Variants in ARPP21 observed in about 807,000 individuals in gnomAD.
ARPP21 encodes cAMP-regulated phosphoprotein 21.
ARPP21 carries 69 observed loss-of-function variants against 113.2 expected under a neutral mutation model. The ratio of observed to expected loss-of-function variants is 0.61; its 90% CI spans 0.50 to 0.74. The LOEUF is 0.74. Among genes scored for constraint, ARPP21 ranks in the 30% least tolerant of loss-of-function variants. The probability of loss-of-function intolerance (pLI) is 0.00; values close to 1 mark genes in which losing one functional copy is unlikely to be tolerated. For synonymous variants in ARPP21, 368 were observed against 375.5 expected (o/e 0.98, Z 0.23); for missense variants, 1,070 against 1,037.4 (o/e 1.03, Z -0.43).
intron 9 of ARPP21, among the ~76,000 whole-genome samples, chr3:35,691,990 T>C (rs1419249252): frequency 6.6e-6 from 1 of 151,498 alleles, no homozygotes; most frequent in Non-Finnish European, 1.5e-5. Flanking sequence ...GATGAGGCGC[T>C]TTCTCAACTC....
At chr3:35,643,995 T>C (rs1480283591) in intron 1 of ARPP21, among the ~76,000 whole-genome samples, 3 of 152,078 alleles carry the variant, frequency 2.0e-5, no homozygotes, top group Non-Finnish European at 2.9e-5. Context: ...ATACTTCCTT[T>C]CTTTAGACAA....
chr3:35,658,913 G>A (rs550703422), intron 1 of ARPP21, among the ~76,000 whole-genome samples: 21 of 152,152 alleles, frequency 1.4e-4, no homozygotes, highest in Non-Finnish European at 2.8e-4. Flanking sequence ...TCATGAATTA[G>A]GGTCTTGTTT....
At chr3:35,749,223 T>C (rs1351497125) in intron 19 of ARPP21, among the ~76,000 whole-genome samples, 1 of 152,206 alleles carries the variant, frequency 6.6e-6, no homozygotes, top group East Asian at 1.9e-4. Context: ...TGGGGTTCCA[T>C]ATCACTTTGT....
At chr3:35,679,263 T>G (rs893175864) in intron 1 of ARPP21, among the ~76,000 whole-genome samples, 8 of 151,934 alleles carry the variant, frequency 5.3e-5, no homozygotes, top group Non-Finnish European at 1.5e-5. Flanking sequence ...AAAAGTTTTC[T>G]TCTTCTTTTT....
chr3:35,769,126 A>T (rs1273076721), intron 19 of ARPP21, among the ~76,000 whole-genome samples: 1 of 152,310 alleles, frequency 6.6e-6, no homozygotes, highest in East Asian at 1.9e-4. Context: ...GCATATGATT[A>T]TATACCTATA....
intron 14 of ARPP21, among the ~76,000 whole-genome samples, chr3:35,722,054 TA>T (rs1347686477): frequency 2.0e-5 from 3 of 152,194 alleles, no homozygotes; most frequent in African/African-American, 4.8e-5. Flanking sequence ...TTTTCTTATC[TA>T]TAAAATGTAG....
intron 18 of ARPP21, 118 bp from the exon 19 acceptor site, chr3:35,743,721 G>T (rs1384447508): frequency 1.9e-6 from 2 of 1,054,454 alleles, no homozygotes; most frequent in Non-Finnish European, 2.9e-6. Context: ...CATGGGAGAA[G>T]TTTGCGGTGG....
At chr3:35,658,664 A>G (rs1706172724) in intron 1 of ARPP21, among the ~76,000 whole-genome samples, 1 of 152,152 alleles carries the variant, frequency 6.6e-6, no homozygotes, top group South Asian at 2.1e-4. Context: ...GCTTAATGCC[A>G]GCACAGCCAT....
At chr3:35,701,140 A>T (rs1344170489) in intron 9 of ARPP21, among the ~76,000 whole-genome samples, 1 of 151,448 alleles carries the variant, frequency 6.6e-6, no homozygotes, top group Non-Finnish European at 1.5e-5. Context: ...CTAATCCAAA[A>T]CATTTCAAGT....
At chr3:35,726,818 G>T (rs997099870) in intron 14 of ARPP21, among the ~76,000 whole-genome samples, 2 of 152,166 alleles carry the variant, frequency 1.3e-5, no homozygotes, top group African/African-American at 4.8e-5. Context: ...TAGCCCCTCA[G>T]TCTGGAGATG....
intron 19 of ARPP21, among the ~76,000 whole-genome samples, chr3:35,772,386 C>T (rs1394393762): frequency 6.6e-6 from 1 of 152,046 alleles, no homozygotes; most frequent in Non-Finnish European, 1.5e-5. Flanking sequence ...AGCCCAGGCC[C>T]CTAGCTTTAC....
chr3:35,653,258 T>G (rs1028535180), intron 1 of ARPP21, among the ~76,000 whole-genome samples: 1 of 141,370 alleles, frequency 7.1e-6, no homozygotes, highest in Non-Finnish European at 1.5e-5. Context: ...TAGGGATTCT[T>G]GTTGAAGGAA....
intron 19 of ARPP21, among the ~76,000 whole-genome samples, chr3:35,786,997 C>G (rs1347122234): frequency 1.3e-5 from 2 of 152,110 alleles, no homozygotes; most frequent in East Asian, 3.9e-4. Context: ...ATAGATGAAG[C>G]TAGAAAATAT....
rs1263067207 is a variant in ARPP21 at position 35,772,042 on chromosome 3, T to C, written c.2138-20340T>C. Among the ~76,000 whole-genome samples the C allele has an allele frequency of 2.0e-5, 3 of 152,224 alleles. No individual in the cohort carries two copies. In the East Asian group the frequency reaches 5.8e-4, roughly 29 times the overall value. On this transcript the variant is annotated intron_variant, in intron 19 of 20. Transcript: ENST00000684406. ...AATATCAGATTTGGTTCAGGCTTAA[T>C]ATTATCTTTGTAACTAGCAAATGTA...
intron 1 of ARPP21, among the ~76,000 whole-genome samples, chr3:35,660,705 A>T (rs746343928): frequency 1.3e-5 from 2 of 152,192 alleles, no homozygotes; most frequent in Non-Finnish European, 2.9e-5. Flanking sequence ...ATGGGTATTT[A>T]TCAGTAAGGA....
intron 19 of ARPP21, among the ~76,000 whole-genome samples, chr3:35,766,681 T>C (rs1049994105): frequency 6.6e-6 from 1 of 152,202 alleles, no homozygotes; most frequent in Non-Finnish European, 1.5e-5. Context: ...AAATCACAGC[T>C]GCCACTGTAA....
intron 19 of ARPP21, among the ~76,000 whole-genome samples, chr3:35,785,509 T>TAAAGAAAG (rs5847899): frequency 2.9e-4 from 43 of 150,454 alleles, no homozygotes; most frequent in East Asian, 2.3e-3. Context: ...TGCCCTGATT[T>TAAAGAAAG]AAAGAAAGAA....
intron 12 of ARPP21, 128 bp from the exon 13 acceptor site, chr3:35,717,170 T>G: frequency 1.8e-6 from 1 of 560,262 alleles, no homozygotes; most frequent in East Asian, 2.8e-5. Context: ...ATGGCAAAAT[T>G]CAACATCATA....
chr3:35,696,852 C>G, intron 9 of ARPP21, among the ~76,000 whole-genome samples: 1 of 151,434 alleles, frequency 6.6e-6, no homozygotes, highest in East Asian at 2.0e-4. Flanking sequence ...AAATTTTGCC[C>G]TTCTCTTTCT....
Sources: allele counts gnomAD v4.1 joint callset (sites outside exome capture counted in the v4.1 genomes callset), GRCh38; gene constraint gnomAD v4.1.1; transcripts MANE v1.5; gene names NCBI Gene and HGNC (gene_info 2026-07-23, HGNC 2026-07-21).